Variants in KCNQ1OT1 observed in about 807,000 individuals in gnomAD.
KCNQ1OT1 encodes KCNQ1 antisense RNA 2 (non-protein coding).
exon 1 of KCNQ1OT1, chr11:2,639,584 G>C (rs1452550806): frequency 6.6e-6 from 1 of 152,472 alleles, no homozygotes; most frequent in Non-Finnish European, 1.5e-5. Flanking sequence ...CTTCGTCTCA[G>C]AGGAGTACCC....
In KCNQ1OT1 at chr11:2,652,879, T is replaced by TTGGGGTG. The variant is rs1439182251; in HGVS notation, n.47109_47115dup. ...CTATACTTATTCTAAGGAGAAGTGT[T>TTGGGGTG]TGGGGTGTGGGGTGTGGTCCTCAGT... On this transcript the variant is annotated non_coding_transcript_exon_variant, in exon 1 of 1. Coordinates refer to ENST00000597346, the Ensembl canonical transcript of KCNQ1OT1. This position sits in a 1 kb window ranked among gnomAD's most constrained non-coding sequence, Gnocchi z 5.9. 3.5e-5 allele frequency: 14 copies of TTGGGGTG among 398,540 alleles called. No homozygotes were observed. The highest frequency in any genetic ancestry group is 2.9e-4 in the African/African-American group (14 of 48,614). 24.7% of individuals were successfully genotyped at this position (398,540 alleles called of 1,614,324 possible).
chr11:2,675,430 G>A (rs1052175), exon 1 of KCNQ1OT1: 12 of 398,466 alleles, frequency 3.0e-5, no homozygotes, highest in African/African-American at 1.0e-4. Flanking sequence ...GTCATTTTGC[G>A]TTAAAATAAA....
chr11:2,639,199 C>G (rs1246782679), exon 1 of KCNQ1OT1: 1 of 152,204 alleles, frequency 6.6e-6, no homozygotes, highest in Non-Finnish European at 1.5e-5. Context: ...TGTCTGAAGC[C>G]TTCCTCTCTC....
chr11:2,667,448 C>T (rs921789047), exon 1 of KCNQ1OT1: 5 of 398,610 alleles, frequency 1.3e-5, no homozygotes, highest in Non-Finnish European at 2.2e-5. Flanking sequence ...TGCTCAGGTC[C>T]TCAGCCAAGC....
Position 2,642,789 on chromosome 11 carries a change from G to C in KCNQ1OT1, n.57206C>G, listed in dbSNP as rs1849600417. 2.5e-6 allele frequency: 1 copy of C among 397,356 alleles called. No homozygotes were observed. Among genetic ancestry groups the C allele is most frequent in the South Asian group, 1.3e-4 (1 of 7,844 alleles). 24.6% of individuals were successfully genotyped at this position (397,356 alleles called of 1,614,324 possible). A position where few individuals can be genotyped will look rare whatever the true frequency, so the allele number is the denominator to read the frequency against. ...AAGATCTTTTCTACCTTTTTTAATG[G>C]AGGCATTTATTACAATAAACTTTCC... On this transcript the variant is annotated non_coding_transcript_exon_variant, in exon 1 of 1. Coordinates refer to ENST00000597346, the Ensembl canonical transcript of KCNQ1OT1. This position sits in a 1 kb window ranked among gnomAD's most constrained non-coding sequence, Gnocchi z 4.3.
In KCNQ1OT1 at chr11:2,624,487, C is replaced by T. The variant is rs901567131; in HGVS notation, n.75508G>A. 2.5e-6 allele frequency: 1 copy of T among 398,372 alleles called. No homozygotes were observed. Among genetic ancestry groups the T allele is most frequent in the African/African-American group, 2.1e-5 (1 of 48,624 alleles). 24.7% of individuals were successfully genotyped at this position (398,372 alleles called of 1,614,324 possible). On this transcript the variant is annotated non_coding_transcript_exon_variant, in exon 1 of 1. Transcript: ENST00000597346. The surrounding 1 kb of genome is among the most constrained non-coding windows in gnomAD (Gnocchi z 4.9). The stretch of plus-strand genomic sequence containing the variant: ...TTTGGTGTCATATCTAAAAAGCCAT[C>T]ACCAAACTAAAGATCATCTAGATTT...
In KCNQ1OT1 at chr11:2,678,146, G is replaced by A; in HGVS notation, n.21849C>T. 1 of 398,044 alleles carries A rather than the reference G, an allele frequency of 2.5e-6. No individual in the cohort carries two copies. 24.7% of individuals were successfully genotyped at this position (398,044 alleles called of 1,614,324 possible). A position where few individuals can be genotyped will look rare whatever the true frequency, so the allele number is the denominator to read the frequency against. ...AATATTTTATCCTCATTTTCCTTAG[G>A]TGTTTTGGCTTTTTCTATAATATTT... On this transcript the variant is annotated non_coding_transcript_exon_variant, in exon 1 of 1. Transcript: ENST00000597346. This position sits in a 1 kb window ranked among gnomAD's most constrained non-coding sequence, Gnocchi z 4.9.
In KCNQ1OT1 at chr11:2,663,247, A is replaced by T. The variant is rs999316190; in HGVS notation, n.36748T>A. 1 of 398,728 alleles carries T rather than the reference A, an allele frequency of 2.5e-6. No homozygotes were observed. Among genetic ancestry groups the T allele is most frequent in the African/African-American group, 2.1e-5 (1 of 48,760 alleles). 24.7% of individuals were successfully genotyped at this position (398,728 alleles called of 1,614,324 possible). On this transcript the variant is annotated non_coding_transcript_exon_variant, in exon 1 of 1. Coordinates refer to ENST00000597346, the Ensembl canonical transcript of KCNQ1OT1. This position sits in a 1 kb window ranked among gnomAD's most constrained non-coding sequence, Gnocchi z 5.2. ...GGGAGCCAGCAGATCACTGGAAAGC[A>T]GGGGTGACTAGTCATGGACACCCTG...
Position 2,678,457 on chromosome 11 carries a change from C to G in KCNQ1OT1, n.21538G>C. On this transcript the variant is annotated non_coding_transcript_exon_variant, in exon 1 of 1. Transcript: ENST00000597346. This position sits in a 1 kb window ranked among gnomAD's most constrained non-coding sequence, Gnocchi z 4.9. Reference sequence around the variant, plus strand: ...ATCATCTCTCTACTAATTTCAACTGCTACCTTTATCATATTTCAAACTCTC... The same window carrying G: ...ATCATCTCTCTACTAATTTCAACTGGTACCTTTATCATATTTCAAACTCTC... 1 of 398,584 alleles carries G rather than the reference C, an allele frequency of 2.5e-6. No homozygotes were observed. The highest frequency in any genetic ancestry group is 4.4e-6 in the Non-Finnish European group (1 of 226,056). The allele number at this position is 398,584 out of a possible 1,614,324, so 24.7% of individuals were successfully genotyped here.
In KCNQ1OT1 at chr11:2,620,813, T is replaced by C; in HGVS notation, n.79182A>G. On this transcript the variant is annotated non_coding_transcript_exon_variant, in exon 1 of 1. Transcript: ENST00000597346. This position sits in a 1 kb window ranked among gnomAD's most constrained non-coding sequence, Gnocchi z 4.5. ...CTAATTTGTATTCCTGCCAACAGTG[T>C]ATAAGCGTTCCCTTTTCTCTGCAGC... 2.5e-6 allele frequency: 1 copy of C among 398,666 alleles called. No individual in the cohort carries two copies. Among genetic ancestry groups the C allele is most frequent in the African/African-American group, 2.1e-5 (1 of 48,766 alleles). The allele number at this position is 398,666 out of a possible 1,614,324, so 24.7% of individuals were successfully genotyped here.
Position 2,687,031 on chromosome 11 carries a change from C to T in KCNQ1OT1, n.12964G>A, listed in dbSNP as rs559088937. Reference sequence around the variant, plus strand: ...GGAGCAAGAGCTTAGGGCTAAAACTCAGCAGTCCCAGCTCTGGGGGACAAG... The same window carrying T: ...GGAGCAAGAGCTTAGGGCTAAAACTTAGCAGTCCCAGCTCTGGGGGACAAG... On this transcript the variant is annotated non_coding_transcript_exon_variant, in exon 1 of 1. Coordinates refer to ENST00000597346, the Ensembl canonical transcript of KCNQ1OT1. The surrounding 1 kb of genome is among the most constrained non-coding windows in gnomAD (Gnocchi z 5.0). 7.5e-6 allele frequency: 3 copies of T among 398,660 alleles called. No individual in the cohort carries two copies. In the East Asian group the frequency reaches 1.1e-4, roughly 14 times the overall value. The allele number at this position is 398,660 out of a possible 1,614,324, so 24.7% of individuals were successfully genotyped here. A position where few individuals can be genotyped will look rare whatever the true frequency, so the allele number is the denominator to read the frequency against.
At chr11:2,667,540 A>C (rs1850100537) in exon 1 of KCNQ1OT1, 1 of 127,458 alleles carries the variant, frequency 7.8e-6, no homozygotes, top group East Asian at 2.6e-4. Context: ...AACTGCACTG[A>C]TATTGTCATG....
In KCNQ1OT1 at chr11:2,650,704, T is replaced by C. The variant is rs541821158; in HGVS notation, n.49291A>G. Reference sequence around the variant, plus strand: ...TCTGATTCTGTATGCAGTTTTGCAGTGCTGGGCAGGGGACTAGAATGCTAT... The same window carrying C: ...TCTGATTCTGTATGCAGTTTTGCAGCGCTGGGCAGGGGACTAGAATGCTAT... On this transcript the variant is annotated non_coding_transcript_exon_variant, in exon 1 of 1. Transcript: ENST00000597346. 6 of 398,680 alleles carry C rather than the reference T, an allele frequency of 1.5e-5. No homozygotes were observed. The South Asian group carries it at 7.6e-4, about 51-fold the overall frequency. The allele number at this position is 398,680 out of a possible 1,614,324, so 24.7% of individuals were successfully genotyped here. A position where few individuals can be genotyped will look rare whatever the true frequency, so the allele number is the denominator to read the frequency against.
exon 1 of KCNQ1OT1, chr11:2,666,477 A>G: frequency 2.5e-6 from 1 of 398,692 alleles, no homozygotes; most frequent in Non-Finnish European, 4.4e-6. Flanking sequence ...TCTCACGCCA[A>G]GACATTCGAG....
chr11:2,641,977 C>G (rs1008938688), exon 1 of KCNQ1OT1: 52 of 398,292 alleles, frequency 1.3e-4, no homozygotes, highest in African/African-American at 1.0e-3. Flanking sequence ...CTACTCTGTT[C>G]CATTGGTCTA....
In KCNQ1OT1 at chr11:2,621,223, G is replaced by C. The variant is rs951343025; in HGVS notation, n.78772C>G. Reference sequence around the variant, plus strand: ...GAATACCTGACCCCAGATGATCCACGCACCTCAGCCTCCCAAAGTGCTAGG... The same window carrying C: ...GAATACCTGACCCCAGATGATCCACCCACCTCAGCCTCCCAAAGTGCTAGG... On this transcript the variant is annotated non_coding_transcript_exon_variant, in exon 1 of 1. Transcript: ENST00000597346. This position sits in a 1 kb window ranked among gnomAD's most constrained non-coding sequence, Gnocchi z 5.7. 14 of 397,242 alleles carry C rather than the reference G, an allele frequency of 3.5e-5. No homozygotes were observed. The Admixed American group carries it at 4.9e-4, about 14-fold the overall frequency. The allele number at this position is 397,242 out of a possible 1,614,324, so 24.6% of individuals were successfully genotyped here. A position where few individuals can be genotyped will look rare whatever the true frequency, so the allele number is the denominator to read the frequency against.
chr11:2,625,289 C>G (rs903464800), exon 1 of KCNQ1OT1: 40 of 398,488 alleles, frequency 1.0e-4, no homozygotes, highest in Non-Finnish European at 1.7e-4. Flanking sequence ...CTGGCTCTGT[C>G]ACTTAGGCTG....
At chr11:2,667,872 C>T (rs1399636433) in exon 1 of KCNQ1OT1, 1 of 398,642 alleles carries the variant, frequency 2.5e-6, no homozygotes. Context: ...CAGATTAGTA[C>T]ACAGGTCTCA....
In KCNQ1OT1 at chr11:2,674,883, A is replaced by G; in HGVS notation, n.25112T>C. 2.8e-6 allele frequency: 1 copy of G among 363,264 alleles called. No individual in the cohort carries two copies. Among genetic ancestry groups the G allele is most frequent in the Non-Finnish European group, 4.8e-6 (1 of 206,536 alleles). 22.5% of individuals were successfully genotyped at this position (363,264 alleles called of 1,614,324 possible). A position where few individuals can be genotyped will look rare whatever the true frequency, so the allele number is the denominator to read the frequency against. On this transcript the variant is annotated non_coding_transcript_exon_variant, in exon 1 of 1. Coordinates refer to ENST00000597346, the Ensembl canonical transcript of KCNQ1OT1. The surrounding 1 kb of genome is among the most constrained non-coding windows in gnomAD (Gnocchi z 5.9). The stretch of plus-strand genomic sequence containing the variant: ...AAAGCTCACTGGGCACCTTGGCTGC[A>G]GGGTCTGAAAAGTCCTTTGTGTTAG...
Sources: gnomAD v4.1 joint callset for allele counts on GRCh38, gnomAD v4.1.1 for gene constraint, Gnocchi (gnomAD v3.1) non-coding constraint, MANE v1.5 for transcripts, NCBI Gene and HGNC (gene_info 2026-07-23, HGNC 2026-07-21) for gene names.